MEF2A: variants seen among roughly 807,000 people sequenced by gnomAD.
MEF2A encodes myocyte-specific enhancer factor 2A.
In MEF2A, 28 loss-of-function variants were observed where a neutral mutation model predicts 55.8. That is an observed-to-expected ratio of 0.50 (90% CI 0.37 to 0.69). The LOEUF (loss-of-function observed/expected upper bound fraction) is 0.69. Ranked by LOEUF, MEF2A falls within the 30% of genes least tolerant of loss-of-function variation. MEF2A has a pLI of 0.00. For synonymous variants in MEF2A, 239 were observed against 227.1 expected, an observed-to-expected ratio of 1.05 and a Z score of -0.47; for missense variants, 528 against 626.2, an observed-to-expected ratio of 0.84 and a Z score of 1.67.
chr15:99,631,113 A>G (rs1392766188), intron 2 of MEF2A, among the ~76,000 whole-genome samples: 2 of 152,166 alleles, frequency 1.3e-5, no homozygotes, highest in Non-Finnish European at 2.9e-5. Context: ...GTTTGAAGCA[A>G]ACTACTCCAC....
intron 1 of MEF2A, among the ~76,000 whole-genome samples, chr15:99,590,628 C>CT (rs1567174838): frequency 6.6e-6 from 1 of 151,230 alleles, no homozygotes; most frequent in African/African-American, 2.4e-5. Flanking sequence ...ATTTAATCTA[C>CT]TTTCTTGGTT....
intron 1 of MEF2A, among the ~76,000 whole-genome samples, chr15:99,573,477 C>T (rs1236240335): frequency 1.3e-5 from 2 of 152,166 alleles, no homozygotes; most frequent in African/African-American, 2.4e-5. Flanking sequence ...GCACAAGGGG[C>T]ATTTCCTCAG....
At chr15:99,677,207 C>T (rs890767777) in intron 7 of MEF2A, among the ~76,000 whole-genome samples, 10 of 152,042 alleles carry the variant, frequency 6.6e-5, no homozygotes, top group African/African-American at 2.2e-4. Context: ...CTGAACTAGG[C>T]ACACACACAA....
chr15:99,704,915 C>T (rs1009961110), intron 9 of MEF2A, among the ~76,000 whole-genome samples: 1 of 152,216 alleles, frequency 6.6e-6, no homozygotes, highest in Admixed American at 6.5e-5. Context: ...TCTGTAATTA[C>T]AGAACCTCAG....
chr15:99,611,823 A>G (rs923610225), intron 2 of MEF2A, among the ~76,000 whole-genome samples: 3 of 152,236 alleles, frequency 2.0e-5, no homozygotes, highest in Non-Finnish European at 2.9e-5. Flanking sequence ...CATACAGTAC[A>G]ATATTATTCA....
chr15:99,695,797 T>G (rs927580433), intron 8 of MEF2A, among the ~76,000 whole-genome samples: 3 of 151,330 alleles, frequency 2.0e-5, no homozygotes, highest in Non-Finnish European at 4.4e-5. Flanking sequence ...AGGCGGAGGT[T>G]GCAGTGAGCC....
intron 4 of MEF2A, among the ~76,000 whole-genome samples, chr15:99,655,322 A>G (rs532350334): frequency 1.3e-5 from 2 of 152,312 alleles, no homozygotes; most frequent in South Asian, 2.1e-4. Context: ...CATATAGAAA[A>G]AAAATAAGCC....
At chr15:99,637,780 T>C (rs1567288212) in intron 3 of MEF2A, among the ~76,000 whole-genome samples, 1 of 152,144 alleles carries the variant, frequency 6.6e-6, no homozygotes, top group African/African-American at 2.4e-5. Flanking sequence ...GTAGCTGGGA[T>C]TACAGGCGCC....
At position 99,674,393 on chromosome 15, in the gene MEF2A, C is replaced by T. The variant is rs1244309168; in HGVS notation, c.391C>T (p.Pro131Ser). The T allele has an allele frequency of 3.8e-6, 6 of 1,594,806 alleles. No individual in the cohort carries two copies. The highest frequency in any genetic ancestry group is 4.3e-6 in the Non-Finnish European group (5 of 1,166,802). ...TTTCCTTCTTTTTCTTTATTTACAG[C>T]CTGGTCTGCCACCTCAGAACTTTTC... is the stretch of plus-strand genomic sequence containing the variant. ...DSDFIFKRGP[P>S]GLPPQNFSMS... The change falls in exon 6 of 12, where the codon CCT becomes TCT. Residue 131 changes from proline to serine, a missense_variant and splice_region_variant. Physicochemically the swap from Pro to Ser is moderately conservative, Grantham distance 74. Transcript: ENST00000557942.
intron 1 of MEF2A, among the ~76,000 whole-genome samples, chr15:99,590,477 T>C (rs1383241588): frequency 6.7e-6 from 1 of 150,066 alleles, no homozygotes; most frequent in Non-Finnish European, 1.5e-5. Flanking sequence ...TTGTAGATAA[T>C]ATATATTTAC....
intron 4 of MEF2A, among the ~76,000 whole-genome samples, chr15:99,670,642 C>T (rs903929065): frequency 2.0e-5 from 3 of 151,940 alleles, no homozygotes; most frequent in Non-Finnish European, 2.9e-5. Flanking sequence ...AGACAGTTCT[C>T]CAGAAAGTCA....
intron 10 of MEF2A, among the ~76,000 whole-genome samples, chr15:99,708,474 C>G (rs1012202343): frequency 1.3e-5 from 2 of 152,180 alleles, no homozygotes. Context: ...ATTACCAAAG[C>G]ATATAAAAAT....
intron 1 of MEF2A, among the ~76,000 whole-genome samples, chr15:99,588,893 C>T (rs1968323964): frequency 6.6e-6 from 1 of 151,958 alleles, no homozygotes; most frequent in African/African-American, 2.4e-5. Flanking sequence ...ACTGAACCAA[C>T]CTTGTATTCC....
intron 2 of MEF2A, among the ~76,000 whole-genome samples, chr15:99,629,575 A>G (rs1455858266): frequency 6.6e-6 from 1 of 152,142 alleles, no homozygotes; most frequent in African/African-American, 2.4e-5. Flanking sequence ...CTCTTTCCAA[A>G]TAAGGAAAGG....
chr15:99,620,524 C>T (rs946133318), intron 2 of MEF2A, among the ~76,000 whole-genome samples: 1 of 152,108 alleles, frequency 6.6e-6, no homozygotes, highest in Non-Finnish European at 1.5e-5. Flanking sequence ...TGATTTTGTT[C>T]TTTTTATGAC....
intron 1 of MEF2A, among the ~76,000 whole-genome samples, chr15:99,587,927 C>T (rs1305313164): frequency 6.9e-6 from 1 of 145,968 alleles, no homozygotes; most frequent in African/African-American, 2.4e-5. Context: ...CTTTTTCTTA[C>T]ATTATTCCAC....
rs2058824674 is a variant in MEF2A at position 99,712,924 on chromosome 15, T to C, written c.*153T>C. 1 of 869,792 alleles carries C rather than the reference T, an allele frequency of 1.1e-6. No individual in the cohort carries two copies. The highest frequency in any genetic ancestry group is 1.7e-5 in the African/African-American group (1 of 58,694). The allele number at this position is 869,792 out of a possible 1,614,324, so 53.9% of individuals were successfully genotyped here. ...ATATGTATGTGGGTGTGAGTGTGTA[T>C]GTGTGGGTGTGTGTTACATACACAG... On this transcript the variant is annotated 3_prime_UTR_variant, in exon 12 of 12. Transcript: ENST00000557942. This position sits in a 1 kb window ranked among gnomAD's most constrained non-coding sequence, Gnocchi z 4.1.
At chr15:99,594,354 A>G (rs1481627586) in intron 1 of MEF2A, among the ~76,000 whole-genome samples, 1 of 152,132 alleles carries the variant, frequency 6.6e-6, no homozygotes, top group African/African-American at 2.4e-5. Flanking sequence ...GGCAAGGTGT[A>G]TAGAAAGGGG....
intron 1 of MEF2A, among the ~76,000 whole-genome samples, chr15:99,592,698 G>C (rs1567178932): frequency 6.6e-6 from 1 of 152,064 alleles, no homozygotes; most frequent in African/African-American, 2.4e-5. Context: ...GGAGAGAGTG[G>C]GTGGGGGGAG....
Sources: gnomAD v4.1 joint callset for allele counts (sites outside exome capture counted in the v4.1 genomes callset) on GRCh38, gnomAD v4.1.1 for gene constraint, Gnocchi (gnomAD v3.1) non-coding constraint, MANE v1.5 for transcripts, NCBI Gene and HGNC (gene_info 2026-07-23, HGNC 2026-07-21) for gene names.